Variants in TARS3 observed in about 807,000 individuals in gnomAD.
TARS3 encodes the protein threonine--tRNA ligase 2, cytoplasmic.
TARS3 carries 94 observed loss-of-function variants against 103.5 expected under a neutral mutation model. The ratio of observed to expected loss-of-function variants is 0.91; its 90% CI spans 0.77 to 1.08. The LOEUF is 1.08. Among genes scored for constraint, TARS3 ranks in the 50% least tolerant of loss-of-function variants. TARS3 has a pLI of 0.00. For missense variants in TARS3, 952 were observed against 995.2 expected (o/e 0.96, Z 0.58); for synonymous variants, 416 against 355.4 (o/e 1.17, Z -1.92).
chr15:101,674,697 T>C (rs1290357265), intron 13 of TARS3, among the ~76,000 whole-genome samples: 1 of 151,750 alleles, frequency 6.6e-6, no homozygotes, highest in African/African-American at 2.4e-5. Flanking sequence ...TCCCAGCTAC[T>C]CGGGACGCTG....
At chr15:101,671,784 C>T in intron 13 of TARS3, 36 bp from the exon 14 acceptor site, 1 of 1,551,970 alleles carries the variant, frequency 6.4e-7, no homozygotes, top group Non-Finnish European at 8.8e-7. Flanking sequence ...CAATTATACA[C>T]TGTATCTTTT....
Position 101,685,918 on chromosome 15 carries a change from G to A in TARS3, c.1465C>T (p.Pro489Ser), listed in dbSNP as rs756749654. ...EIEKDTFALK[P>S]MNCPGHCLMF... ...CACCAGTGCCCTGGACAATTCATGG[G>A]TTTGAGGGCAAAAGTGTCCTTTTCA... Residue 489 changes from proline (P) to serine (S), a missense_variant, in exon 11 of 19, where the codon CCC becomes TCC. Around this residue, in one of 2 missense-constraint regions of TARS3, gnomAD observed 540 missense variants for 631.0 expected, o/e 0.86. Coordinates refer to ENST00000335968, the MANE Select transcript of TARS3 (RefSeq NM_152334.3). The A allele has an allele frequency of 4.3e-6, 7 of 1,613,918 alleles. No homozygotes were observed. In the South Asian group the frequency reaches 5.5e-5, roughly 13 times the overall value.
At chr15:101,689,469 G>A (rs1184529055) in intron 10 of TARS3, among the ~76,000 whole-genome samples, 1 of 152,054 alleles carries the variant, frequency 6.6e-6, no homozygotes, top group African/African-American at 2.4e-5. Flanking sequence ...AAATTAAAAT[G>A]AGATCATTAG....
At chr15:101,678,385 TTC>T (rs2141399435) in intron 12 of TARS3, among the ~76,000 whole-genome samples, 1 of 152,352 alleles carries the variant, frequency 6.6e-6, no homozygotes, top group East Asian at 1.9e-4. Context: ...TTCCTTCTTG[TTC>T]TCTCTTGTTA....
Position 101,701,115 on chromosome 15 carries a change from T to A in TARS3, c.1291A>T (p.Ile431Phe), listed in dbSNP as rs754661633. ...SCFFLPRGAF[I>F]YNTLTDFIRE... ...ATGAAATCTGTAAGCGTATTATAAA[T>A]GAAGGCTCCTCTGGGAAGGAAAAAA... The change falls in exon 10 of 19, where the codon ATT (isoleucine) becomes TTT (phenylalanine). Residue 431 changes from isoleucine to phenylalanine, a missense_variant. Around this residue, in one of 2 missense-constraint regions of TARS3, gnomAD observed 540 missense variants for 631.0 expected, o/e 0.86. Coordinates refer to ENST00000335968, the MANE Select transcript of TARS3 (RefSeq NM_152334.3). 1 of 1,593,084 alleles carries A rather than the reference T, an allele frequency of 6.3e-7. No homozygotes were observed. The highest frequency in any genetic ancestry group is 8.5e-7 in the Non-Finnish European group (1 of 1,173,736).
At chr15:101,656,437 A>T (rs1897201128) in intron 18 of TARS3, among the ~76,000 whole-genome samples, 1 of 152,202 alleles carries the variant, frequency 6.6e-6, no homozygotes, top group African/African-American at 2.4e-5. Context: ...TAAAGCCTAA[A>T]TTTTAGATTC....
intron 15 of TARS3, among the ~76,000 whole-genome samples, chr15:101,669,707 C>CTTTA (rs1370071480): frequency 1.3e-5 from 2 of 152,168 alleles, no homozygotes; most frequent in African/African-American, 2.4e-5. Context: ...GAGTAACATG[C>CTTTA]TTTACAGGTC....
intron 15 of TARS3, among the ~76,000 whole-genome samples, chr15:101,666,543 T>C (rs1555482224): frequency 6.6e-6 from 1 of 151,064 alleles, no homozygotes; most frequent in Non-Finnish European, 1.5e-5. Flanking sequence ...GTCCTCTTGC[T>C]ATACTACTAA....
chr15:101,691,701 A>G (rs1475704343), intron 10 of TARS3, among the ~76,000 whole-genome samples: 3 of 152,230 alleles, frequency 2.0e-5, no homozygotes, highest in African/African-American at 7.2e-5. Flanking sequence ...TTAAAATCTA[A>G]TTACTTAACA....
At position 101,657,868 on chromosome 15, in the gene TARS3, T is replaced by C; in HGVS notation, c.2073-11A>G. 8 of 1,509,750 alleles carry C rather than the reference T, an allele frequency of 5.3e-6. No individual in the cohort carries two copies. The highest frequency in any genetic ancestry group is 1.8e-5 in the Admixed American group (1 of 54,470). The allele number at this position is 1,509,750 out of a possible 1,614,324, so 93.5% of individuals were successfully genotyped here. ...GATAGCCAGAAAGGCCTGAAAAATA[T>C]ATATAAAATATGTATTTTCAAAGTG... On this transcript the variant is annotated splice_polypyrimidine_tract_variant and intron_variant, in intron 16 of 18. Transcript: ENST00000335968.
intron 15 of TARS3, among the ~76,000 whole-genome samples, chr15:101,665,608 G>C (rs1306081435): frequency 6.6e-6 from 1 of 152,174 alleles, no homozygotes; most frequent in East Asian, 1.9e-4. Context: ...ATACAGTGTA[G>C]ATGACAGGAA....
chr15:101,709,475 C>G (rs1008339298), intron 5 of TARS3, among the ~76,000 whole-genome samples: 1 of 152,226 alleles, frequency 6.6e-6, no homozygotes, highest in African/African-American at 2.4e-5. Context: ...GACAGTCCCA[C>G]AGAGGCCTGG....
Sources: gnomAD v4.1 joint callset for allele counts (sites outside exome capture counted in the v4.1 genomes callset) on GRCh38, gnomAD v4.1.1 for gene constraint, gnomAD v4.1.1 regional missense constraint, MANE v1.5 for transcripts, NCBI Gene and HGNC (gene_info 2026-07-23, HGNC 2026-07-21) for gene names.